WIPI2: variants seen among roughly 807,000 people sequenced by gnomAD.
WIPI2 encodes the protein WD repeat domain, phosphoinositide interacting 2.
In WIPI2, 28 loss-of-function variants were observed where a neutral mutation model predicts 52.3. That is an observed-to-expected ratio of 0.54 (90% CI 0.40 to 0.73). The LOEUF is 0.73. WIPI2 is among the 30% of genes least tolerant of loss of function. WIPI2 has a pLI of 0.00. For synonymous variants in WIPI2, 268 were observed against 245.0 expected (o/e 1.09, Z -0.88); for missense variants, 506 against 602.9 (o/e 0.84, Z 1.68).
chr7:5,222,740 T>C (rs1009861157), intron 8 of WIPI2, 68 bp downstream of exon 8: 13 of 1,474,130 alleles, frequency 8.8e-6, no homozygotes, highest in Non-Finnish European at 1.2e-5. Context: ...ATGTTATCTA[T>C]GAACAAACAA....
At chr7:5,195,763 C>T (rs756442674) in intron 2 of WIPI2, among the ~76,000 whole-genome samples, 1 of 152,116 alleles carries the variant, frequency 6.6e-6, no homozygotes, top group Non-Finnish European at 1.5e-5. Context: ...TCATCTAGGC[C>T]AGGCACGGTG....
chr7:5,216,692 T>C, intron 5 of WIPI2, 33 bp downstream of exon 5: 1 of 1,607,304 alleles, frequency 6.2e-7, no homozygotes. Context: ...AATCCCATTT[T>C]TCTGATTTTG....
At chr7:5,216,842 T>G in intron 5 of WIPI2, 183 bp downstream of exon 5, 1 of 704,694 alleles carries the variant, frequency 1.4e-6, no homozygotes, top group Non-Finnish European at 2.3e-6. Context: ...GCTCATTGGT[T>G]TGATCAACTT....
chr7:5,198,378 ATC>A (rs1781855332), intron 2 of WIPI2, among the ~76,000 whole-genome samples: 1 of 151,650 alleles, frequency 6.6e-6, no homozygotes, highest in Admixed American at 6.6e-5. Context: ...CAGTGGCGCA[ATC>A]TCCGCTCACT....
At chr7:5,218,703 C>T (rs1389917726) in intron 7 of WIPI2, 2 of 152,152 alleles carry the variant, frequency 1.3e-5, no homozygotes, top group Admixed American at 6.5e-5. Flanking sequence ...TCTAAATGTC[C>T]CCGTGTACCT....
intron 3 of WIPI2, among the ~76,000 whole-genome samples, chr7:5,203,622 A>G (rs1035596638): frequency 1.5e-5 from 2 of 132,104 alleles, no homozygotes; most frequent in African/African-American, 5.9e-5. Context: ...GTTTACGTTC[A>G]GCCTTTTTTT....
At chr7:5,200,073 C>T (rs944095140) in intron 3 of WIPI2, among the ~76,000 whole-genome samples, 9 of 152,198 alleles carry the variant, frequency 5.9e-5, no homozygotes, top group Middle Eastern at 3.2e-3. Context: ...TGAAGTGGCC[C>T]GCGTGTCGGA....
At chr7:5,195,407 G>A (rs1205717952) in intron 2 of WIPI2, among the ~76,000 whole-genome samples, 1 of 152,144 alleles carries the variant, frequency 6.6e-6, no homozygotes, top group Non-Finnish European at 1.5e-5. Context: ...GATCCCTTGA[G>A]CCCAGGAGGT....
intron 3 of WIPI2, 135 bp from the exon 4 acceptor site, chr7:5,214,400 C>T (rs1426721677): frequency 1.9e-6 from 3 of 1,607,718 alleles, no homozygotes; most frequent in Non-Finnish European, 2.5e-6. Context: ...ACCCCATGAC[C>T]ACATGTTCCG....
In WIPI2 at chr7:5,226,279, C is replaced by T. The variant is rs71529324; in HGVS notation, c.848+349C>T. ...AGACAGCCCACTAGGGTGAATGGCTCGTCTCTTACCTTCCCACGGGTAAGC... is the reference window on the plus strand; with the variant it reads ...AGACAGCCCACTAGGGTGAATGGCTTGTCTCTTACCTTCCCACGGGTAAGC... On this transcript the variant is annotated intron_variant, in intron 9 of 12. Coordinates refer to ENST00000288828, the MANE Select transcript of WIPI2 (RefSeq NM_015610.4). The T allele has an allele frequency of 2.4e-3, 592 of 249,458 alleles. 1 individual carries two copies. The highest frequency in any genetic ancestry group is 3.7e-3 in the Admixed American group (74 of 19,734). The allele number at this position is 249,458 out of a possible 1,614,324, so 15.5% of individuals were successfully genotyped here.
chr7:5,230,902 G>C lies in WIPI2; in HGVS notation c.1320G>C (p.Leu440=). ...CLEDEASALR[L]DEDSEHPPMI... ...AGGACGAGGCCAGCGCCCTGCGCCT[G>C]GATGAGGACAGCGAGCACCCGCCCA... The change falls in exon 13 of 13, where the codon CTG becomes CTC. Residue 440 remains leucine (L), a synonymous_variant. Transcript: ENST00000288828. The surrounding 1 kb of genome is among the most constrained non-coding windows in gnomAD (Gnocchi z 4.8). The C allele has an allele frequency of 6.2e-7, 1 of 1,613,780 alleles. No individual in the cohort carries two copies. Among genetic ancestry groups the C allele is most frequent in the Non-Finnish European group, 8.5e-7 (1 of 1,179,778 alleles).
rs186163272 is a variant in WIPI2 at position 5,225,904 on chromosome 7, C to T, written c.822C>T (p.Ile274=). 6.2e-7 allele frequency: 1 copy of T among 1,613,962 alleles called. No homozygotes were observed. The highest frequency in any genetic ancestry group is 8.5e-7 in the Non-Finnish European group (1 of 1,179,988). The change falls in exon 9 of 13, where the codon ATC becomes ATT. Residue 274 remains isoleucine (I), a synonymous_variant. Transcript: ENST00000288828. ...CCAGCAACACTGAGACCGTGCACATCTTCAAACTCGAGACTGTGAAAGAAA... is the reference window on the plus strand; with the variant it reads ...CCAGCAACACTGAGACCGTGCACATTTTCAAACTCGAGACTGTGAAAGAAA... ...SASSNTETVH[I]FKLETVKEKP...
Position 5,218,011 on chromosome 7 carries a change from G to A in WIPI2, c.666G>A (p.Glu222=), listed in dbSNP as rs1231572753. ...GAACTAAACTTGCCACGGCTTCGGA[G>A]AAGGTGAGTCTGCTTTTCCCCGGGG... The part of the protein sequence containing the change: ...ASGTKLATAS[E]KGTVIRVFSI... The change falls in exon 7 of 13, where the codon GAG becomes GAA. Residue 222 remains glutamate, a synonymous_variant. Coordinates refer to ENST00000288828, the MANE Select transcript of WIPI2 (RefSeq NM_015610.4). 1 of 1,614,220 alleles carries A rather than the reference G, an allele frequency of 6.2e-7. No homozygotes were observed. The highest frequency in any genetic ancestry group is 1.1e-5 in the South Asian group (1 of 91,086).
chr7:5,230,379 CCTT>C lies in WIPI2; in HGVS notation c.1253-452_1253-450del, dbSNP rs1466169187. 6.6e-6 allele frequency among the ~76,000 whole-genome samples: 1 copy of C among 152,220 alleles called. No homozygotes were observed. On this transcript the variant is annotated intron_variant, in intron 12 of 12. Transcript: ENST00000288828. The surrounding 1 kb of genome is among the most constrained non-coding windows in gnomAD (Gnocchi z 4.8). ...GCCACAGCCTTGGCTATGTGAGCCA[CCTT>C]CTTAAAAAAGCCAACTCGCACTCCA... is the stretch of plus-strand genomic sequence containing the variant.
intron 2 of WIPI2, among the ~76,000 whole-genome samples, chr7:5,194,007 G>A (rs755788606): frequency 2.0e-5 from 3 of 152,238 alleles, no homozygotes; most frequent in Non-Finnish European, 4.4e-5. Context: ...CAGTGGGAAG[G>A]AGACTGTCTC....
chr7:5,192,999 T>C, intron 1 of WIPI2, 119 bp from the exon 2 acceptor site: 1 of 928,550 alleles, frequency 1.1e-6, no homozygotes, highest in Non-Finnish European at 1.7e-6. Flanking sequence ...CCTGCCTTTC[T>C]TTACTGGTAA....
At chr7:5,221,050 G>A (rs1001590073) in intron 7 of WIPI2, among the ~76,000 whole-genome samples, 1 of 142,438 alleles carries the variant, frequency 7.0e-6, no homozygotes. Context: ...TGCAACCTCC[G>A]CCTCCTGGGT....
chr7:5,211,559 C>G (rs372131855), intron 3 of WIPI2, among the ~76,000 whole-genome samples: 15 of 152,334 alleles, frequency 9.8e-5, no homozygotes, highest in African/African-American at 3.6e-4. Context: ...GAAACCTTAC[C>G]TAGCAGGTGA....
In WIPI2 at chr7:5,233,104, G is replaced by C. The variant is rs1158204300; in HGVS notation, c.*2157G>C. On this transcript the variant is annotated 3_prime_UTR_variant, in exon 13 of 13. Coordinates refer to ENST00000288828, the MANE Select transcript of WIPI2 (RefSeq NM_015610.4). ...CCACGGGAAGCCCTGTGCTTGCCTG[G>C]GTCAGGGCTAAGCTGTGCGCCCTAG... is the stretch of plus-strand genomic sequence containing the variant. The C allele has an allele frequency of 6.6e-6, 1 of 152,308 alleles. No homozygotes were observed. Among genetic ancestry groups the C allele is most frequent in the African/African-American group, 2.4e-5 (1 of 41,460 alleles). The allele number at this position is 152,308 out of a possible 1,614,324, so 9.4% of individuals were successfully genotyped here. A position where few individuals can be genotyped will look rare whatever the true frequency, so the allele number is the denominator to read the frequency against.
Sources: gnomAD v4.1 joint callset for allele counts (sites outside exome capture counted in the v4.1 genomes callset) on GRCh38, gnomAD v4.1.1 for gene constraint, Gnocchi (gnomAD v3.1) non-coding constraint, MANE v1.5 for transcripts, NCBI Gene and HGNC (gene_info 2026-07-23, HGNC 2026-07-21) for gene names.